HECW2: variants seen among roughly 807,000 people sequenced by gnomAD.
HECW2 encodes the protein HECT, C2 and WW domain containing E3 ubiquitin protein ligase 2.
HECW2 carries 61 observed loss-of-function variants against 175.2 expected under a neutral mutation model. That is an observed-to-expected ratio of 0.35 (90% CI 0.28 to 0.43). The LOEUF (loss-of-function observed/expected upper bound fraction) is 0.43. Ranked by LOEUF, HECW2 falls within the 20% of genes least tolerant of loss-of-function variation. The pLI is 1.00. For missense variants in HECW2, 1,524 were observed against 2,000.5 expected (o/e 0.76, Z 4.54); for synonymous variants, 671 against 731.0 (o/e 0.92, Z 1.32).
chr2:196,367,573 C>T (rs1693779152), intron 2 of HECW2, among the ~76,000 whole-genome samples: 1 of 152,128 alleles, frequency 6.6e-6, no homozygotes. Context: ...CTACCAAATG[C>T]TAGATCTTAT....
At chr2:196,219,551 A>C (rs1687591952) in intron 26 of HECW2, among the ~76,000 whole-genome samples, 1 of 152,216 alleles carries the variant, frequency 6.6e-6, no homozygotes, top group Non-Finnish European at 1.5e-5. Context: ...AACTTCTCCA[A>C]TAATGTTGTA....
intron 13 of HECW2, among the ~76,000 whole-genome samples, chr2:196,304,992 G>C (rs1414573702): frequency 1.3e-5 from 2 of 152,202 alleles, no homozygotes; most frequent in Non-Finnish European, 2.9e-5. Flanking sequence ...TCTGGGACAA[G>C]CTCTTAATCA....
intron 1 of HECW2, among the ~76,000 whole-genome samples, chr2:196,558,605 T>C (rs1689887952): frequency 6.6e-6 from 1 of 152,262 alleles, no homozygotes; most frequent in African/African-American, 2.4e-5. Context: ...AAGCACGTAG[T>C]CCCTTTTCCT....
intron 1 of HECW2, among the ~76,000 whole-genome samples, chr2:196,578,079 AG>A (rs1244719466): frequency 6.6e-6 from 1 of 152,220 alleles, no homozygotes; most frequent in Non-Finnish European, 1.5e-5. Context: ...GCTATGTAAT[AG>A]GTTCAAATTA....
chr2:196,565,478 G>C (rs889089385), intron 1 of HECW2, among the ~76,000 whole-genome samples: 2 of 152,118 alleles, frequency 1.3e-5, no homozygotes, highest in Non-Finnish European at 2.9e-5. Context: ...TGAAAGTGGG[G>C]AATAGATGAA....
intron 1 of HECW2, among the ~76,000 whole-genome samples, chr2:196,519,715 T>C (rs1688282390): frequency 6.6e-6 from 1 of 152,188 alleles, no homozygotes; most frequent in African/African-American, 2.4e-5. Context: ...ACAGGAGTAA[T>C]TAGATTTAAG....
intron 1 of HECW2, among the ~76,000 whole-genome samples, chr2:196,575,080 CAA>C (rs1164886570): frequency 3.0e-4 from 9 of 29,846 alleles, no homozygotes; most frequent in Admixed American, 8.3e-4. Context: ...GGCCTTGTCT[CAA>C]AAAAAAAAAA....
At chr2:196,311,950 A>T (rs967100316) in intron 10 of HECW2, among the ~76,000 whole-genome samples, 6 of 152,190 alleles carry the variant, frequency 3.9e-5, no homozygotes, top group Admixed American at 2.0e-4. Context: ...AGTGGGTAAA[A>T]CTACTCCAAG....
chr2:196,542,757 G>T (rs1224889446), intron 1 of HECW2, among the ~76,000 whole-genome samples: 4 of 150,540 alleles, frequency 2.7e-5, no homozygotes, highest in African/African-American at 9.7e-5. Flanking sequence ...AGATATATAT[G>T]TGCATATATA....
intron 2 of HECW2, among the ~76,000 whole-genome samples, chr2:196,347,876 G>A (rs1693016789): frequency 6.6e-6 from 1 of 152,222 alleles, no homozygotes; most frequent in South Asian, 2.1e-4. Flanking sequence ...CATTATCCTT[G>A]ACAGATACAA....
At chr2:196,257,251 C>T (rs142730587) in intron 18 of HECW2, among the ~76,000 whole-genome samples, 1 of 150,304 alleles carries the variant, frequency 6.7e-6, no homozygotes, top group African/African-American at 2.4e-5. Flanking sequence ...AAATTTAAAA[C>T]CAAAGCTGAT....
intron 2 of HECW2, among the ~76,000 whole-genome samples, chr2:196,359,543 A>G (rs1179064452): frequency 6.6e-6 from 1 of 152,220 alleles, no homozygotes; most frequent in East Asian, 1.9e-4. Flanking sequence ...AGTTTAGCAA[A>G]TTCTAGAACC....
chr2:196,265,889 C>T (rs1473327834), intron 17 of HECW2, among the ~76,000 whole-genome samples: 1 of 152,084 alleles, frequency 6.6e-6, no homozygotes, highest in African/African-American at 2.4e-5. Flanking sequence ...AGAATTCAAA[C>T]CTAGGCCTTT....
chr2:196,587,722 C>G (rs921931240), intron 1 of HECW2, among the ~76,000 whole-genome samples: 2 of 152,126 alleles, frequency 1.3e-5, no homozygotes, highest in Non-Finnish European at 1.5e-5. Flanking sequence ...GTAAGCTATA[C>G]GCACTCACCA....
At chr2:196,539,596 C>T (rs528663474) in intron 1 of HECW2, among the ~76,000 whole-genome samples, 21 of 152,220 alleles carry the variant, frequency 1.4e-4, no homozygotes, top group African/African-American at 5.1e-4. Context: ...GATCCAGCCA[C>T]TGCACTCCAG....
At chr2:196,263,017 G>A (rs1009538072) in intron 17 of HECW2, 1 of 110,472 alleles carries the variant, frequency 9.1e-6, no homozygotes, top group Non-Finnish European at 1.9e-5. Context: ...AAACAATCTT[G>A]CTATCTTTTT....
intron 1 of HECW2, among the ~76,000 whole-genome samples, chr2:196,514,827 C>T (rs1046196431): frequency 1.3e-5 from 2 of 152,220 alleles, no homozygotes; most frequent in Non-Finnish European, 2.9e-5. Flanking sequence ...CTCTGCCTTG[C>T]TCACCCTCCA....
intron 1 of HECW2, among the ~76,000 whole-genome samples, chr2:196,529,507 G>T (rs557804459): frequency 1.1e-4 from 17 of 152,170 alleles, no homozygotes; most frequent in African/African-American, 4.1e-4. Flanking sequence ...TACCCCTCAT[G>T]CCAGGCTCAA....
rs987552927 is a variant in HECW2 at position 196,195,657 on chromosome 2, A to G, written c.*5620T>C. 6 of 152,246 alleles carry G rather than the reference A, an allele frequency of 3.9e-5. No homozygotes were observed. Among genetic ancestry groups the G allele is most frequent in the Admixed American group, 2.0e-4 (3 of 15,280 alleles). 9.4% of individuals were successfully genotyped at this position (152,246 alleles called of 1,614,324 possible). A position where few individuals can be genotyped will look rare whatever the true frequency, so the allele number is the denominator to read the frequency against. Reference sequence around the variant, plus strand: ...TTTAGAAATCATGAAAATGTCTCAAATGCTATTCTAATGTCAAGGGATGTC... The same window carrying G: ...TTTAGAAATCATGAAAATGTCTCAAGTGCTATTCTAATGTCAAGGGATGTC... On this transcript the variant is annotated 3_prime_UTR_variant, in exon 29 of 29. Transcript: ENST00000644978.
Sources: allele counts gnomAD v4.1 joint callset (sites outside exome capture counted in the v4.1 genomes callset), GRCh38; gene constraint gnomAD v4.1.1; transcripts MANE v1.5; gene names NCBI Gene and HGNC (gene_info 2026-07-23, HGNC 2026-07-21).